Variants in ZFPM2 observed in about 807,000 individuals in gnomAD.
ZFPM2 encodes the protein zinc finger protein ZFPM2.
In ZFPM2, 20 loss-of-function variants were observed where a neutral mutation model predicts 98.6. The observed-to-expected ratio is 0.20, with a 90% CI of 0.14 to 0.29. The LOEUF (loss-of-function observed/expected upper bound fraction) is 0.29. Among genes scored for constraint, ZFPM2 ranks in the 10% least tolerant of loss-of-function variants. ZFPM2 has a pLI of 1.00. For missense variants in ZFPM2, 1,310 were observed against 1,388.6 expected, an observed-to-expected ratio of 0.94 and a Z score of 0.90; for synonymous variants, 518 against 502.7, an observed-to-expected ratio of 1.03 and a Z score of -0.41.
intron 6 of ZFPM2, among the ~76,000 whole-genome samples, chr8:105,789,508 A>G (rs1402922839): frequency 6.6e-6 from 1 of 152,104 alleles, no homozygotes; most frequent in Non-Finnish European, 1.5e-5. Flanking sequence ...GGTTGGTTCC[A>G]AGTCTTTCCT....
At chr8:105,716,436 A>C (rs1260783119) in intron 5 of ZFPM2, among the ~76,000 whole-genome samples, 1 of 151,938 alleles carries the variant, frequency 6.6e-6, no homozygotes, top group African/African-American at 2.4e-5. Flanking sequence ...ATACATACAG[A>C]TATATCTACA....
intron 4 of ZFPM2, among the ~76,000 whole-genome samples, chr8:105,616,171 G>GA (rs1345311115): frequency 4.0e-5 from 6 of 151,742 alleles, no homozygotes; most frequent in African/African-American, 1.5e-4. Flanking sequence ...CTTTTCAAAC[G>GA]AATTCCCAAA....
chr8:105,649,885 G>T (rs1397428936), intron 5 of ZFPM2, among the ~76,000 whole-genome samples: 1 of 152,210 alleles, frequency 6.6e-6, no homozygotes, highest in African/African-American at 2.4e-5. Context: ...TCAGGATGAT[G>T]CTGGCCTCAT....
At chr8:105,333,388 T>G (rs1266382121) in intron 1 of ZFPM2, among the ~76,000 whole-genome samples, 2 of 151,736 alleles carry the variant, frequency 1.3e-5, no homozygotes, top group Non-Finnish European at 2.9e-5. Flanking sequence ...TGTTTGTGCT[T>G]AACTCATGAG....
chr8:105,444,237 G>C (rs1255557082), intron 2 of ZFPM2, 43 bp from the exon 3 acceptor site: 1 of 1,491,336 alleles, frequency 6.7e-7, no homozygotes, highest in South Asian at 1.2e-5. Flanking sequence ...GAAAGAGAGA[G>C]CTTTGCTCAT....
At chr8:105,798,971 C>T (rs1416337179) in intron 7 of ZFPM2, 23 bp downstream of exon 7, 1 of 1,594,464 alleles carries the variant, frequency 6.3e-7, no homozygotes, top group East Asian at 2.2e-5. Flanking sequence ...TTTGTTTCTT[C>T]TGTTGCTCCA....
chr8:105,441,020 T>C (rs1438215133), intron 2 of ZFPM2, among the ~76,000 whole-genome samples: 2 of 151,602 alleles, frequency 1.3e-5, no homozygotes, highest in East Asian at 3.9e-4. Context: ...CCAGGCATGG[T>C]GGCGCCTGCC....
At chr8:105,674,960 G>A (rs1810408557) in intron 5 of ZFPM2, among the ~76,000 whole-genome samples, 1 of 152,106 alleles carries the variant, frequency 6.6e-6, no homozygotes, top group Non-Finnish European at 1.5e-5. Context: ...ATTTAATGGT[G>A]ATGGATTAGA....
chr8:105,603,074 G>T (rs1816125005), intron 4 of ZFPM2, among the ~76,000 whole-genome samples: 1 of 152,052 alleles, frequency 6.6e-6, no homozygotes, highest in Non-Finnish European at 1.5e-5. Flanking sequence ...TTTTTGCATA[G>T]TGGAATAGTA....
At chr8:105,782,145 A>T (rs1221071333) in intron 5 of ZFPM2, among the ~76,000 whole-genome samples, 3 of 152,202 alleles carry the variant, frequency 2.0e-5, no homozygotes, top group Non-Finnish European at 4.4e-5. Flanking sequence ...AATCAATAAG[A>T]TAATTCATGC....
intron 1 of ZFPM2, among the ~76,000 whole-genome samples, chr8:105,407,778 T>C (rs1267196821): frequency 6.6e-6 from 1 of 151,914 alleles, no homozygotes; most frequent in Non-Finnish European, 1.5e-5. Flanking sequence ...TTCAACAGAT[T>C]TGGTAAATGC....
chr8:105,627,432 A>C (rs151153607), intron 4 of ZFPM2, among the ~76,000 whole-genome samples: 4 of 152,288 alleles, frequency 2.6e-5, no homozygotes, highest in African/African-American at 4.8e-5. Flanking sequence ...TTTTTAAAAA[A>C]GAAGACATTC....
intron 5 of ZFPM2, among the ~76,000 whole-genome samples, chr8:105,768,692 A>T (rs1812912593): frequency 6.6e-6 from 1 of 151,930 alleles, no homozygotes; most frequent in African/African-American, 2.4e-5. Context: ...TATCCCTTGA[A>T]CTCTTTATTA....
rs193272830 is a variant in ZFPM2 at position 105,795,289 on chromosome 8, A to G, written c.740-3435A>G. On this transcript the variant is annotated intron_variant, in intron 6 of 7. Coordinates refer to ENST00000407775, the MANE Select transcript of ZFPM2 (RefSeq NM_012082.4). ...GTGTGTGTGTGTGTGTGTGTGGTCA[A>G]TTGTCCTGGGAGTGTAGAAAGAACC... Among the ~76,000 whole-genome samples the G allele has an allele frequency of 7.7e-4, 92 of 119,780 alleles. No homozygotes were observed. In the East Asian group the frequency reaches 0.016, roughly 20 times the overall value. The allele number at this position is 119,780 out of a possible 152,430, so 78.6% of individuals were successfully genotyped here.
intron 4 of ZFPM2, among the ~76,000 whole-genome samples, chr8:105,562,314 T>TAATA (rs35570669): frequency 0.11 from 16,076 of 147,508 alleles, 1,113 homozygotes; most frequent in Middle Eastern, 0.19. Context: ...CATCTCAAAA[T>TAATA]AATAAATAAA....
chr8:105,651,034 C>G (rs1314850752), intron 5 of ZFPM2, among the ~76,000 whole-genome samples: 5 of 152,144 alleles, frequency 3.3e-5, no homozygotes, highest in Non-Finnish European at 7.4e-5. Flanking sequence ...TGAAGTGACT[C>G]TTACAGGTCT....
At chr8:105,612,356 T>C (rs1380218409) in intron 4 of ZFPM2, among the ~76,000 whole-genome samples, 1 of 151,664 alleles carries the variant, frequency 6.6e-6, no homozygotes, top group African/African-American at 2.4e-5. Flanking sequence ...GATATTAGGA[T>C]TAAAATGAAA....
chr8:105,484,590 A>G (rs1437048509), intron 3 of ZFPM2, among the ~76,000 whole-genome samples: 3 of 152,150 alleles, frequency 2.0e-5, no homozygotes, highest in Admixed American at 6.5e-5. Flanking sequence ...TTGAGTTACT[A>G]TGGGTGTTTA....
At chr8:105,616,686 G>T (rs1421935600) in intron 4 of ZFPM2, 1 of 384,262 alleles carries the variant, frequency 2.6e-6, no homozygotes, top group Non-Finnish European at 5.1e-6. Context: ...TAATAATAAG[G>T]TAACCAACGG....
Sources: gnomAD v4.1 joint callset for allele counts (sites outside exome capture counted in the v4.1 genomes callset) on GRCh38, gnomAD v4.1.1 for gene constraint, MANE v1.5 for transcripts, NCBI Gene and HGNC (gene_info 2026-07-23, HGNC 2026-07-21) for gene names.